The following PCDHGB4 variants were observed in gnomAD, a reference collection of about 807,000 sequenced individuals.
PCDHGB4 encodes protocadherin gamma subfamily B, 4.
PCDHGB4 carries 38 observed loss-of-function variants against 60.5 expected under a neutral mutation model. That is an observed-to-expected ratio of 0.63 (90% CI 0.48 to 0.82). The LOEUF is 0.82. PCDHGB4 is among the 40% of genes least tolerant of loss of function. The probability of loss-of-function intolerance (pLI) is 0.00; values close to 1 mark genes in which losing one functional copy is unlikely to be tolerated. For synonymous variants in PCDHGB4, 456 were observed against 509.7 expected, an observed-to-expected ratio of 0.89 and a Z score of 1.42; for missense variants, 1,109 against 1,209.6, an observed-to-expected ratio of 0.92 and a Z score of 1.23.
chr5:141,506,444 CAAAAA>C (rs1219684339), intron 3 of PCDHGB4, among the ~76,000 whole-genome samples: 4 of 95,024 alleles, frequency 4.2e-5, no homozygotes, highest in Admixed American at 1.1e-4. Flanking sequence ...CGCTCTGTCT[CAAAAA>C]AAAAAAAAAA....
chr5:141,459,090 A>G (rs769066156), intron 1 of PCDHGB4, among the ~76,000 whole-genome samples: 4 of 152,218 alleles, frequency 2.6e-5, no homozygotes, highest in Non-Finnish European at 4.4e-5. Flanking sequence ...TTAAAATTAT[A>G]CAGTGCAATG....
intron 1 of PCDHGB4, among the ~76,000 whole-genome samples, chr5:141,433,395 CTATCTA>C (rs1561869588): frequency 2.0e-5 from 3 of 150,654 alleles, no homozygotes; most frequent in African/African-American, 7.3e-5. Flanking sequence ...ATCTATCTAT[CTATCTA>C]TCTATTACTT....
intron 1 of PCDHGB4, among the ~76,000 whole-genome samples, chr5:141,448,711 C>T (rs62379167): frequency 0.23 from 35,567 of 151,844 alleles, 4,336 homozygotes; most frequent in Admixed American, 0.32. Context: ...GAGGCCGAGG[C>T]GGGAGGATCA....
chr5:141,392,759 T>C, intron 1 of PCDHGB4: 1 of 1,473,194 alleles, frequency 6.8e-7, no homozygotes, highest in Non-Finnish European at 9.0e-7. Flanking sequence ...AGAAACTAAA[T>C]AAGACCCATT....
intron 1 of PCDHGB4, among the ~76,000 whole-genome samples, chr5:141,472,712 G>A (rs1303609397): frequency 1.3e-5 from 2 of 151,972 alleles, no homozygotes; most frequent in Admixed American, 6.6e-5. Flanking sequence ...CAGGCCAGGC[G>A]CTGTGGCTCA....
rs1387152450 is a variant in PCDHGB4 at position 141,487,754 on chromosome 5, G to A, written c.2398-7053G>A. The A allele has an allele frequency of 1.3e-6, 2 of 1,552,036 alleles. No individual in the cohort carries two copies. Among genetic ancestry groups the A allele is most frequent in the Admixed American group, 3.9e-5 (2 of 50,970 alleles). ...CATTTTTGTAAGAGGTAACTATGTG[G>A]TAGACGCTGTGCTTTGTAACTGTTT... On this transcript the variant is annotated intron_variant, in intron 1 of 3. Transcript: ENST00000519479. This position sits in a 1 kb window ranked among gnomAD's most constrained non-coding sequence, Gnocchi z 5.0.
intron 1 of PCDHGB4, among the ~76,000 whole-genome samples, chr5:141,439,279 CT>C (rs2098102664): frequency 6.6e-6 from 1 of 151,930 alleles, no homozygotes; most frequent in African/African-American, 2.4e-5. Flanking sequence ...CATTCTGAGA[CT>C]GTGTTCCATG....
In PCDHGB4 at chr5:141,489,523, C is replaced by CT. The variant is rs1379784656; in HGVS notation, c.2398-5283dup. On this transcript the variant is annotated intron_variant, in intron 1 of 3. Coordinates refer to ENST00000519479, the MANE Select transcript of PCDHGB4 (RefSeq NM_003736.4). The surrounding 1 kb of genome is among the most constrained non-coding windows in gnomAD (Gnocchi z 4.5). ...GAATCAAAAGATTGACCGAGAAAGC[C>CT]TATGTGGAGCCAGCACCAGCTGCCT... 1 of 1,614,006 alleles carries CT rather than the reference C, an allele frequency of 6.2e-7. No homozygotes were observed. Among genetic ancestry groups the CT allele is most frequent in the Non-Finnish European group, 8.5e-7 (1 of 1,180,044 alleles).
intron 1 of PCDHGB4, among the ~76,000 whole-genome samples, chr5:141,442,810 T>C (rs2098345227): frequency 6.6e-6 from 1 of 152,222 alleles, no homozygotes; most frequent in Non-Finnish European, 1.5e-5. Context: ...ATTCAAATTG[T>C]ACTGATCCAA....
chr5:141,402,209 T>A (rs2094239307), intron 1 of PCDHGB4, among the ~76,000 whole-genome samples: 1 of 152,084 alleles, frequency 6.6e-6, no homozygotes, highest in Non-Finnish European at 1.5e-5. Context: ...AATACAAAAA[T>A]TTAAAATAAA....
At chr5:141,422,929 C>A (rs752323344) in intron 1 of PCDHGB4, 8 of 1,614,260 alleles carry the variant, frequency 5.0e-6, no homozygotes, top group Middle Eastern at 3.3e-4. Flanking sequence ...GTACCCTGCC[C>A]TCCCCACAGA....
At chr5:141,452,673 G>A (rs2098746812) in intron 1 of PCDHGB4, among the ~76,000 whole-genome samples, 1 of 151,896 alleles carries the variant, frequency 6.6e-6, no homozygotes, top group Non-Finnish European at 1.5e-5. Flanking sequence ...CTCCAGCCTA[G>A]GCCACAGAAT....
chr5:141,391,186 A>G (rs772016494), intron 1 of PCDHGB4: 1 of 152,220 alleles, frequency 6.6e-6, no homozygotes, highest in Non-Finnish European at 1.5e-5. Flanking sequence ...TGGTGTGCAT[A>G]CAAAATATAT....
intron 1 of PCDHGB4, chr5:141,408,201 C>A: frequency 6.5e-7 from 1 of 1,549,032 alleles, no homozygotes; most frequent in Non-Finnish European, 8.7e-7. Context: ...CCCGAGCGAA[C>A]GATGGGAGGG....
chr5:141,405,746 G>A (rs1174743960), intron 1 of PCDHGB4, among the ~76,000 whole-genome samples: 1 of 152,108 alleles, frequency 6.6e-6, no homozygotes, highest in Non-Finnish European at 1.5e-5. Context: ...CCAAAGCACT[G>A]GGATTACAGG....
rs771398829 is a variant in PCDHGB4, at chr5:141,421,251, G to A, written c.2397+30970G>A. ...CCATGGCGAATCGGCTACAGCGCGG[G>A]GACCGCAGTCGGCTGCTGCTGCTGC... On this transcript the variant is annotated intron_variant, in intron 1 of 3. Transcript: ENST00000519479. 17 of 1,606,770 alleles carry A rather than the reference G, an allele frequency of 1.1e-5. No homozygotes were observed. The East Asian group carries it at 3.1e-4, about 30-fold the overall frequency.
At chr5:141,393,259 G>GAGCACGTT (rs1561641390) in intron 1 of PCDHGB4, 2 of 1,613,874 alleles carry the variant, frequency 1.2e-6, no homozygotes, top group Non-Finnish European at 1.7e-6. Flanking sequence ...GCGGTTCCTG[G>GAGCACGTT]AGCACGTTAT....
intron 1 of PCDHGB4, chr5:141,403,482 A>G (rs764737675): frequency 5.0e-6 from 8 of 1,613,774 alleles, no homozygotes; most frequent in Non-Finnish European, 6.8e-6. Context: ...CCCAATCACC[A>G]CTTCTCCCTG....
intron 1 of PCDHGB4, among the ~76,000 whole-genome samples, chr5:141,446,739 T>A (rs1292920572): frequency 2.6e-5 from 4 of 152,180 alleles, no homozygotes; most frequent in African/African-American, 7.2e-5. Flanking sequence ...AGTGTGGGGA[T>A]TACAGGCGTG....
Sources: allele counts gnomAD v4.1 joint callset (sites outside exome capture counted in the v4.1 genomes callset), GRCh38; gene constraint gnomAD v4.1.1; non-coding constraint Gnocchi (gnomAD v3.1); transcripts MANE v1.5; gene names NCBI Gene and HGNC (gene_info 2026-07-23, HGNC 2026-07-21).